The following ZPLD1 variants were observed in gnomAD, a reference collection of about 807,000 sequenced individuals.
The protein encoded by ZPLD1 is zona pellucida-like domain-containing protein 1.
Under a neutral mutation model 47.2 loss-of-function variants are expected in ZPLD1, and 34 were observed. That is an observed-to-expected ratio of 0.72 (90% confidence interval 0.55 to 0.96). The LOEUF is 0.96. Among genes scored for constraint, ZPLD1 ranks in the 40% least tolerant of loss-of-function variants. ZPLD1 has a pLI of 0.00. For synonymous variants in ZPLD1, 176 were observed against 186.2 expected (o/e 0.95, Z 0.45); for missense variants, 512 against 505.8 (o/e 1.01, Z -0.12).
chr3:102,443,813 A>G (rs1049454986), intron 3 of ZPLD1, among the ~76,000 whole-genome samples: 3 of 152,228 alleles, frequency 2.0e-5, no homozygotes, highest in Non-Finnish European at 2.9e-5. Flanking sequence ...TTAGTGGAAT[A>G]GTTATCCCAG....
chr3:102,406,159 T>C (rs1706682899), intron 7 of ZPLD1, among the ~76,000 whole-genome samples: 1 of 151,920 alleles, frequency 6.6e-6, no homozygotes, highest in African/African-American at 2.4e-5. Context: ...GAGATGTCCA[T>C]TTGGAAAATC....
chr3:102,451,807 C>T (rs908910160), intron 3 of ZPLD1, among the ~76,000 whole-genome samples: 1 of 152,132 alleles, frequency 6.6e-6, no homozygotes, highest in Admixed American at 6.6e-5. Flanking sequence ...TCTGTCTCTT[C>T]ATTGGATGTT....
At chr3:102,450,486 A>G (rs1034760978) in intron 3 of ZPLD1, among the ~76,000 whole-genome samples, 2 of 152,128 alleles carry the variant, frequency 1.3e-5, no homozygotes, top group African/African-American at 4.8e-5. Context: ...TTCAGATTCA[A>G]ATTTAGGAAG....
intron 2 of ZPLD1, among the ~76,000 whole-genome samples, chr3:102,438,157 A>G (rs1707119860): frequency 6.6e-6 from 1 of 152,200 alleles, no homozygotes; most frequent in African/African-American, 2.4e-5. Context: ...CCAATCTGCT[A>G]GATACTTGGT....
intron 6 of ZPLD1, among the ~76,000 whole-genome samples, chr3:102,462,044 A>T (rs941899969): frequency 6.6e-6 from 1 of 152,092 alleles, no homozygotes; most frequent in Non-Finnish European, 1.5e-5. Flanking sequence ...ATTAGCCACC[A>T]TATATGGTAA....
intron 7 of ZPLD1, among the ~76,000 whole-genome samples, chr3:102,394,347 C>T (rs1441207487): frequency 2.0e-5 from 3 of 152,052 alleles, no homozygotes; most frequent in African/African-American, 7.2e-5. Flanking sequence ...ACCCACAGTA[C>T]ACAGATAAAA....
At chr3:102,410,291 C>G (rs1217858485) in intron 7 of ZPLD1, among the ~76,000 whole-genome samples, 4 of 151,668 alleles carry the variant, frequency 2.6e-5, no homozygotes, top group Admixed American at 1.3e-4. Context: ...AGATAATGAG[C>G]AAATATTTGC....
intron 7 of ZPLD1, among the ~76,000 whole-genome samples, chr3:102,403,683 A>G (rs1159496848): frequency 1.3e-5 from 2 of 151,944 alleles, no homozygotes; most frequent in African/African-American, 4.8e-5. Flanking sequence ...ATAAACTTCT[A>G]GTTTATCCTG....
intron 8 of ZPLD1, among the ~76,000 whole-genome samples, chr3:102,428,410 TATTCAA>T (rs1484592342): frequency 6.6e-6 from 1 of 152,160 alleles, no homozygotes; most frequent in Non-Finnish European, 1.5e-5. Context: ...TAAGAATTAA[TATTCAA>T]ATAAAATAGC....
chr3:102,416,795 G>A (rs1439831914), intron 7 of ZPLD1, among the ~76,000 whole-genome samples: 1 of 151,818 alleles, frequency 6.6e-6, no homozygotes, highest in Non-Finnish European at 1.5e-5. Context: ...CTATTCGTGG[G>A]TAGAATAGTA....
intron 10 of ZPLD1, among the ~76,000 whole-genome samples, chr3:102,473,456 T>C (rs940727370): frequency 2.0e-5 from 3 of 152,130 alleles, no homozygotes; most frequent in Non-Finnish European, 4.4e-5. Context: ...CTCAAGAATG[T>C]CACTTATTGC....
intron 7 of ZPLD1, among the ~76,000 whole-genome samples, chr3:102,396,054 G>T (rs1378476574): frequency 6.6e-6 from 1 of 152,032 alleles, no homozygotes; most frequent in Non-Finnish European, 1.5e-5. Flanking sequence ...TTAATTCATG[G>T]TTCAATTTTT....
intron 3 of ZPLD1, among the ~76,000 whole-genome samples, chr3:102,451,124 T>C (rs1320402098): frequency 2.0e-5 from 3 of 152,280 alleles, no homozygotes; most frequent in South Asian, 2.1e-4. Context: ...TTACAAAACA[T>C]AGACATTTCC....
chr3:102,388,078 T>C (rs1202039040), intron 6 of ZPLD1, among the ~76,000 whole-genome samples: 6 of 150,976 alleles, frequency 4.0e-5, no homozygotes, highest in Admixed American at 6.6e-5. Flanking sequence ...GCCAGGATGG[T>C]CTCGATTTCC....
At chr3:102,470,551 C>T (rs1707666850) in intron 10 of ZPLD1, 49 bp downstream of exon 10, 2 of 1,490,378 alleles carry the variant, frequency 1.3e-6, no homozygotes, top group Non-Finnish European at 1.9e-6. Context: ...TTCCAAAATG[C>T]CTCGTTACTT....
intron 3 of ZPLD1, among the ~76,000 whole-genome samples, chr3:102,445,657 T>G (rs1271411319): frequency 6.6e-6 from 1 of 152,196 alleles, no homozygotes; most frequent in African/African-American, 2.4e-5. Flanking sequence ...ATCTGCACAG[T>G]AAAGTATAAG....
chr3:102,455,776 A>T (rs1020743254), intron 4 of ZPLD1, among the ~76,000 whole-genome samples: 11 of 152,172 alleles, frequency 7.2e-5, no homozygotes, highest in Admixed American at 5.9e-4. Context: ...GAGGAGTAGG[A>T]TACATCATGG....
chr3:102,456,133 GA>G, intron 4 of ZPLD1, 59 bp from the exon 5 acceptor site: 1 of 1,354,574 alleles, frequency 7.4e-7, no homozygotes. Context: ...TTTTGCATAT[GA>G]AGTGCCTAGA....
chr3:102,466,465 A>C (rs1429753960), intron 8 of ZPLD1, among the ~76,000 whole-genome samples: 2 of 152,200 alleles, frequency 1.3e-5, no homozygotes, highest in Non-Finnish European at 2.9e-5. Flanking sequence ...AGGTGAATTA[A>C]ACTCACCAGA....
Sources: gnomAD v4.1 joint callset for allele counts (sites outside exome capture counted in the v4.1 genomes callset) on GRCh38, gnomAD v4.1.1 for gene constraint, MANE v1.5 for transcripts, NCBI Gene and HGNC (gene_info 2026-07-23, HGNC 2026-07-21) for gene names.